The following DNAH1 variants were observed in gnomAD, a reference collection of about 807,000 sequenced individuals.
The protein encoded by DNAH1 is axonemal beta dynein heavy chain 1.
Under a neutral mutation model 484.3 loss-of-function variants are expected in DNAH1, and 327 were observed. That is an observed-to-expected ratio of 0.68 (90% CI 0.62 to 0.74). DNAH1 has a LOEUF of 0.74. DNAH1 is among the 30% of genes least tolerant of loss of function. The probability of loss-of-function intolerance (pLI) is 0.00; values close to 1 mark genes in which losing one functional copy is unlikely to be tolerated. For missense variants in DNAH1, 5,052 were observed against 5,546.8 expected, an observed-to-expected ratio of 0.91 and a Z score of 2.83; for synonymous variants, 2,192 against 2,191.9, an observed-to-expected ratio of 1.00 and a Z score of 0.00.
In DNAH1 at chr3:52,331,207, G is replaced by A. The variant is rs55931436; in HGVS notation, c.931G>A (p.Asp311Asn). 2.5e-3 allele frequency: 4,066 copies of A among 1,608,908 alleles called. 107 individuals carry two copies. In the African/African-American group the frequency reaches 0.048, roughly 19 times the overall value. The change falls in exon 7 of 78, where the codon GAC becomes AAC. Residue 311 changes from aspartate (D) to asparagine (N), a missense_variant. Physicochemically the swap from Asp to Asn is conservative, Grantham distance 23. This residue lies in a region of DNAH1 where 1,263 missense variants were observed against 1,218.8 expected (regional missense o/e 1.04). Coordinates refer to ENST00000420323, the MANE Select transcript of DNAH1 (RefSeq NM_015512.5). ...KWCEVGVLDY[D>N]EEKKLYLVHK... Reference sequence around the variant, plus strand: ...GTGCGAGGTCGGCGTCCTGGACTACGACGAGGAGAAGAAGCTATACCTGGT... The same window carrying A: ...GTGCGAGGTCGGCGTCCTGGACTACAACGAGGAGAAGAAGCTATACCTGGT...
chr3:52,331,753 T>A (rs2153223244), intron 7 of DNAH1, among the ~76,000 whole-genome samples: 1 of 151,526 alleles, frequency 6.6e-6, no homozygotes, highest in South Asian at 2.1e-4. Context: ...GTCTCCCAAG[T>A]AACTGGGATT....
chr3:52,366,956 A>T, intron 36 of DNAH1, 69 bp downstream of exon 36: 3 of 1,464,040 alleles, frequency 2.0e-6, no homozygotes, highest in Non-Finnish European at 2.7e-6. Flanking sequence ...GGCTGCGGTC[A>T]CCCCTCCCTC....
chr3:52,352,051 A>G lies in DNAH1; in HGVS notation c.2819A>G (p.Lys940Arg). The G allele has an allele frequency of 1.3e-6, 2 of 1,591,336 alleles. No homozygotes were observed. Among genetic ancestry groups the G allele is most frequent in the Non-Finnish European group, 1.7e-6 (2 of 1,169,038 alleles). Reference sequence around the variant, plus strand: ...GTGGAGGATGAGGAGAAGTTCCGCAAAATCCAGATCATGGATCAGAACAAC... The same window carrying G: ...GTGGAGGATGAGGAGAAGTTCCGCAGAATCCAGATCATGGATCAGAACAAC... ...QHVEDEEKFR[K>R]IQIMDQNNFQ... Residue 940 changes from lysine (K) to arginine (R), a missense_variant, in exon 17 of 78, where the codon AAA (lysine) becomes AGA (arginine). By Grantham distance (26) the Lys-to-Arg change is conservative. Around this residue, in one of 4 missense-constraint regions of DNAH1, gnomAD observed 1,263 missense variants for 1,218.8 expected, o/e 1.04. Transcript: ENST00000420323.
At position 52,322,415 on chromosome 3, in the gene DNAH1, C is replaced by A; in HGVS notation, c.-28C>A. 1.9e-6 allele frequency: 3 copies of A among 1,587,332 alleles called. No individual in the cohort carries two copies. Among genetic ancestry groups the A allele is most frequent in the Non-Finnish European group, 2.6e-6 (3 of 1,172,108 alleles). On this transcript the variant is annotated 5_prime_UTR_variant, in exon 2 of 78. Coordinates refer to ENST00000420323, the MANE Select transcript of DNAH1 (RefSeq NM_015512.5). Reference sequence around the variant, plus strand: ...CGCTGGGTTCTTCTCCTAGGAGCTTCGGCTGGGGCATCTCCCTGAGAAGCA... The same window carrying A: ...CGCTGGGTTCTTCTCCTAGGAGCTTAGGCTGGGGCATCTCCCTGAGAAGCA...
chr3:52,348,050 G>T (rs1702219893), intron 12 of DNAH1, 76 bp downstream of exon 12: 1 of 1,461,676 alleles, frequency 6.8e-7, no homozygotes, highest in South Asian at 1.3e-5. Flanking sequence ...TCAGGGTGCT[G>T]CCACAGTTCA....
Position 52,361,581 on chromosome 3 carries a change from T to C in DNAH1, c.4875-80T>C. The C allele has an allele frequency of 1.4e-6, 2 of 1,446,794 alleles. No individual in the cohort carries two copies. Among genetic ancestry groups the C allele is most frequent in the Non-Finnish European group, 1.9e-6 (2 of 1,061,316 alleles). 89.6% of individuals were successfully genotyped at this position (1,446,794 alleles called of 1,614,324 possible). On this transcript the variant is annotated intron_variant, in intron 29 of 77. Transcript: ENST00000420323. This position sits in a 1 kb window ranked among gnomAD's most constrained non-coding sequence, Gnocchi z 5.6. Reference sequence around the variant, plus strand: ...CCTGAGGGCTTCCTCCCAAGTGGAGTTGGAGGGGGCCCTCAGAGGGAGGTG... The same window carrying C: ...CCTGAGGGCTTCCTCCCAAGTGGAGCTGGAGGGGGCCCTCAGAGGGAGGTG...
chr3:52,387,144 A>G (rs966149765), intron 56 of DNAH1, among the ~76,000 whole-genome samples: 1 of 152,202 alleles, frequency 6.6e-6, no homozygotes, highest in African/African-American at 2.4e-5. Context: ...CCTGTGCCCC[A>G]TAGGAAGTCA....
At chr3:52,372,487 C>A in intron 43 of DNAH1, 100 bp downstream of exon 43, 2 of 1,498,136 alleles carry the variant, frequency 1.3e-6, no homozygotes, top group South Asian at 1.3e-5. Context: ...CTGGGTTTGC[C>A]AGGAACCTCC....
chr3:52,361,401 T>TC lies in DNAH1; in HGVS notation c.4874+50dup. 1 of 1,488,596 alleles carries TC rather than the reference T, an allele frequency of 6.7e-7. No homozygotes were observed. The highest frequency in any genetic ancestry group is 9.0e-7 in the Non-Finnish European group (1 of 1,111,372). The allele number at this position is 1,488,596 out of a possible 1,614,324, so 92.2% of individuals were successfully genotyped here. A position where few individuals can be genotyped will look rare whatever the true frequency, so the allele number is the denominator to read the frequency against. The stretch of plus-strand genomic sequence containing the variant: ...ACAGGATGGGGTGGGACAGCCTAGC[T>TC]CTCCTTGGGGAGGGCTAGGTGAGGG... On this transcript the variant is annotated intron_variant, in intron 29 of 77. Transcript: ENST00000420323. The surrounding 1 kb of genome is among the most constrained non-coding windows in gnomAD (Gnocchi z 5.6).
At chr3:52,331,106 C>T (rs1472024378) in intron 6 of DNAH1, 42 bp from the exon 7 acceptor site, 6 of 1,553,714 alleles carry the variant, frequency 3.9e-6, no homozygotes, top group Admixed American at 2.0e-5. Flanking sequence ...CTTCCTGCCC[C>T]CATGGCGGGG....
At chr3:52,374,719 A>G in intron 44 of DNAH1, 2 of 1,317,788 alleles carry the variant, frequency 1.5e-6, no homozygotes. Context: ...AAGATAATAC[A>G]TGGCTTGATA....
rs1015537068 is a variant in DNAH1 at position 52,383,369 on chromosome 3, C to T, written c.7942-17C>T. On this transcript the variant is annotated splice_polypyrimidine_tract_variant and intron_variant, in intron 50 of 77. Transcript: ENST00000420323. The stretch of plus-strand genomic sequence containing the variant: ...ACATGCAGGGGCTTAGCTCCCCACT[C>T]CTTCACCCCTCCCCAGATCAAGAAC... The T allele has an allele frequency of 2.5e-6, 4 of 1,611,594 alleles. No homozygotes were observed. The highest frequency in any genetic ancestry group is 3.4e-6 in the Non-Finnish European group (4 of 1,178,244).
At chr3:52,375,899 GAGC>G in intron 45 of DNAH1, 53 bp from the exon 46 acceptor site, 18 of 1,599,474 alleles carry the variant, frequency 1.1e-5, no homozygotes, top group Non-Finnish European at 1.5e-5. Context: ...TGGCCAGGGT[GAGC>G]AGCAAGAGGT....
At position 52,353,052 on chromosome 3, in the gene DNAH1, G is replaced by C. The variant is rs1302269211; in HGVS notation, c.3028-51G>C. 1 of 1,544,778 alleles carries C rather than the reference G, an allele frequency of 6.5e-7. No individual in the cohort carries two copies. Among genetic ancestry groups the C allele is most frequent in the Non-Finnish European group, 8.8e-7 (1 of 1,136,498 alleles). ...CCCAAGAAGGGGCAACATGGAGAGA[G>C]ACTGGGAAGTGTCCCAAGACAGCCC... On this transcript the variant is annotated intron_variant, in intron 18 of 77. Transcript: ENST00000420323. The surrounding 1 kb of genome is among the most constrained non-coding windows in gnomAD (Gnocchi z 5.0).
chr3:52,349,185 C>A lies in DNAH1; in HGVS notation c.2301-10C>A, dbSNP rs750048014. 1 of 1,612,926 alleles carries A rather than the reference C, an allele frequency of 6.2e-7. No homozygotes were observed. Among genetic ancestry groups the A allele is most frequent in the South Asian group, 1.1e-5 (1 of 90,942 alleles). ...TCCTCTGCCCCCTCCCGTGTGCTTG[C>A]TGTCCTCAGAACCTACCAGACGCAG... On this transcript the variant is annotated splice_polypyrimidine_tract_variant and intron_variant, in intron 13 of 77. Transcript: ENST00000420323.
intron 8 of DNAH1, among the ~76,000 whole-genome samples, chr3:52,342,359 A>C (rs1701971453): frequency 6.6e-6 from 1 of 152,194 alleles, no homozygotes; most frequent in Admixed American, 6.5e-5. Context: ...ATTTTTTCCA[A>C]CTCAAGTAGA....
At position 52,348,799 on chromosome 3, in the gene DNAH1, T is replaced by G. The variant is rs1044150654; in HGVS notation, c.2107-89T>G. On this transcript the variant is annotated intron_variant, in intron 12 of 77. Transcript: ENST00000420323. ...GGCCACATCCTGCCCCTGCTTGCCC[T>G]GCTCCTCGGGAGGACTCCCCATCTC... The G allele has an allele frequency of 8.3e-6, 12 of 1,449,648 alleles. No homozygotes were observed. The African/African-American group carries it at 1.4e-4, about 17-fold the overall frequency. 89.8% of individuals were successfully genotyped at this position (1,449,648 alleles called of 1,614,324 possible). A position where few individuals can be genotyped will look rare whatever the true frequency, so the allele number is the denominator to read the frequency against.
At chr3:52,363,774 C>T (rs1702960008) in intron 32 of DNAH1, among the ~76,000 whole-genome samples, 1 of 152,214 alleles carries the variant, frequency 6.6e-6, no homozygotes, top group Non-Finnish European at 1.5e-5. Context: ...CTCTGGGTCA[C>T]CTGCTCATCC....
rs765669650 is a variant in DNAH1, at chr3:52,356,700, G to T, written c.3780G>T (p.Leu1260=). 4 of 1,613,818 alleles carry T rather than the reference G, an allele frequency of 2.5e-6. No individual in the cohort carries two copies. The highest frequency in any genetic ancestry group is 3.4e-6 in the Non-Finnish European group (4 of 1,179,892). The change falls in exon 22 of 78, where the codon CTG becomes CTT. Residue 1260 remains leucine, a synonymous_variant. Transcript: ENST00000420323. ...GCTCTGAGGACATCAACCAGCAGCTGCCTGTGGAGAGCAAGCGCTACCAGA... is the reference window on the plus strand; with the variant it reads ...GCTCTGAGGACATCAACCAGCAGCTTCCTGTGGAGAGCAAGCGCTACCAGA... ...IFSSEDINQQ[L]PVESKRYQTM... is the part of the protein sequence containing the mutation.
Sources: allele counts gnomAD v4.1 joint callset (sites outside exome capture counted in the v4.1 genomes callset), GRCh38; gene constraint gnomAD v4.1.1; regional missense constraint gnomAD v4.1.1; non-coding constraint Gnocchi (gnomAD v3.1); transcripts MANE v1.5; gene names NCBI Gene and HGNC (gene_info 2026-07-23, HGNC 2026-07-21).